The following MND1 variants were observed in gnomAD, a reference collection of about 807,000 sequenced individuals.
MND1 encodes meiotic nuclear division protein 1 homolog.
A neutral mutation model predicts 35.1 loss-of-function variants in MND1; 28 were observed. The observed-to-expected ratio is 0.80, with a 90% CI of 0.59 to 1.09. MND1 has a LOEUF of 1.09. Ranked by LOEUF, MND1 falls within the 50% of genes least tolerant of loss-of-function variation. The probability of loss-of-function intolerance (pLI) is 0.00; values close to 1 mark genes in which losing one functional copy is unlikely to be tolerated. For synonymous variants in MND1, 69 were observed against 70.5 expected, an observed-to-expected ratio of 0.98 and a Z score of 0.11; for missense variants, 213 against 239.6, an observed-to-expected ratio of 0.89 and a Z score of 0.73.
At chr4:153,412,649 ATTT>A (rs374360405) in intron 7 of MND1, among the ~76,000 whole-genome samples, 2 of 147,210 alleles carry the variant, frequency 1.4e-5, no homozygotes, top group African/African-American at 5.0e-5. Context: ...TGCCCGGCTA[ATTT>A]TTTTTGTATT....
At chr4:153,399,382 G>A (rs1279054058) in intron 6 of MND1, among the ~76,000 whole-genome samples, 3 of 151,978 alleles carry the variant, frequency 2.0e-5, no homozygotes, top group Non-Finnish European at 4.4e-5. Flanking sequence ...GATATATTCT[G>A]CCCACTCAGG....
intron 2 of MND1, among the ~76,000 whole-genome samples, chr4:153,353,404 C>CAT (rs58280101): frequency 0.077 from 6,179 of 80,426 alleles, 218 homozygotes; most frequent in Non-Finnish European, 0.095. Flanking sequence ...GACTTTATCA[C>CAT]ATATATATAT....
At chr4:153,390,627 G>C (rs942338457) in intron 4 of MND1, among the ~76,000 whole-genome samples, 3 of 151,968 alleles carry the variant, frequency 2.0e-5, no homozygotes, top group African/African-American at 7.3e-5. Flanking sequence ...TGCACTAATT[G>C]CTCGAGCCCA....
chr4:153,351,049 CAT>C (rs767448156), intron 2 of MND1, among the ~76,000 whole-genome samples: 25 of 151,412 alleles, frequency 1.7e-4, no homozygotes, highest in Non-Finnish European at 3.4e-4. Flanking sequence ...AACAGGGTGT[CAT>C]ATTATGATGA....
intron 1 of MND1, among the ~76,000 whole-genome samples, chr4:153,347,853 A>T (rs1318751820): frequency 2.6e-5 from 4 of 152,172 alleles, no homozygotes; most frequent in African/African-American, 4.8e-5. Flanking sequence ...TTAGGTCTCC[A>T]TACTGTTAAT....
chr4:153,382,964 C>T (rs1360254872), intron 4 of MND1, among the ~76,000 whole-genome samples: 4 of 152,088 alleles, frequency 2.6e-5, no homozygotes, highest in Non-Finnish European at 4.4e-5. Flanking sequence ...ACTTTTAGGC[C>T]CATTCTTTCC....
chr4:153,355,975 A>G (rs1366424534), intron 3 of MND1, among the ~76,000 whole-genome samples: 1 of 152,192 alleles, frequency 6.6e-6, no homozygotes. Context: ...AAATGATTGT[A>G]TAGTATCCCA....
intron 4 of MND1, among the ~76,000 whole-genome samples, chr4:153,367,076 C>T (rs534935710): frequency 3.3e-5 from 5 of 152,248 alleles, no homozygotes; most frequent in South Asian, 2.1e-4. Context: ...CTCAAAAGAG[C>T]GGTGGCTGGG....
At chr4:153,362,125 T>G (rs921209324) in intron 4 of MND1, among the ~76,000 whole-genome samples, 2 of 152,236 alleles carry the variant, frequency 1.3e-5, no homozygotes, top group African/African-American at 4.8e-5. Context: ...AGAAATTCTA[T>G]TTGGTCCTTT....
At chr4:153,379,067 T>C (rs1392025329) in intron 4 of MND1, among the ~76,000 whole-genome samples, 1 of 151,882 alleles carries the variant, frequency 6.6e-6, no homozygotes, top group Non-Finnish European at 1.5e-5. Context: ...GGTGGGTGGA[T>C]CACAAGGTCA....
intron 7 of MND1, 102 bp downstream of exon 7, chr4:153,409,117 C>T (rs535425357): frequency 1.6e-5 from 9 of 558,658 alleles, no homozygotes; most frequent in East Asian, 9.8e-5. Context: ...CAAGAAAGGA[C>T]GTTAATGAAA....
intron 4 of MND1, among the ~76,000 whole-genome samples, chr4:153,373,163 G>T (rs541036430): frequency 6.6e-6 from 1 of 151,972 alleles, no homozygotes; most frequent in South Asian, 2.1e-4. Flanking sequence ...TTTAATTAGG[G>T]TGTCTAGACC....
chr4:153,348,525 A>G (rs1773129499), intron 1 of MND1, among the ~76,000 whole-genome samples: 2 of 152,240 alleles, frequency 1.3e-5, no homozygotes, highest in Non-Finnish European at 2.9e-5. Context: ...AACCCAGCAG[A>G]AAAACAGTGT....
chr4:153,377,617 G>C (rs1161577187), intron 4 of MND1, among the ~76,000 whole-genome samples: 3 of 152,120 alleles, frequency 2.0e-5, no homozygotes, highest in Non-Finnish European at 4.4e-5. Flanking sequence ...AATAATGATA[G>C]TACAAAAGAG....
At chr4:153,397,609 G>T (rs955092684) in intron 6 of MND1, among the ~76,000 whole-genome samples, 1 of 151,820 alleles carries the variant, frequency 6.6e-6, no homozygotes, top group Non-Finnish European at 1.5e-5. Flanking sequence ...TTGAGCTCAG[G>T]AGTTCAAGAC....
At chr4:153,352,074 T>C (rs1349119618) in intron 2 of MND1, among the ~76,000 whole-genome samples, 2 of 152,160 alleles carry the variant, frequency 1.3e-5, no homozygotes, top group South Asian at 2.1e-4. Flanking sequence ...TGACAACTCA[T>C]AGAGAGGGTA....
At chr4:153,359,833 G>GC (rs1773437474) in intron 4 of MND1, among the ~76,000 whole-genome samples, 1 of 143,128 alleles carries the variant, frequency 7.0e-6, no homozygotes, top group Non-Finnish European at 1.5e-5. Context: ...TTTTGACCAG[G>GC]CTGGAGTGCA....
rs549986822 is a variant in MND1, at chr4:153,345,111, C to A, written c.3+371C>A. 1.8e-4 allele frequency among the ~76,000 whole-genome samples: 28 copies of A among 152,362 alleles called. No individual in the cohort carries two copies. In the South Asian group the frequency reaches 5.6e-3, roughly 30 times the overall value. ...GGATTTATCTAAAAGACCACGGGGC[C>A]CTTGAGAACCTGGGCTCCCTACGCC... On this transcript the variant is annotated intron_variant, in intron 1 of 7. Transcript: ENST00000240488.
chr4:153,363,205 G>T (rs1467740309), intron 4 of MND1, among the ~76,000 whole-genome samples: 1 of 135,012 alleles, frequency 7.4e-6, no homozygotes, highest in African/African-American at 3.2e-5. Flanking sequence ...CTGTCACCTG[G>T]GGATAGTTCT....
Sources: gnomAD v4.1 joint callset for allele counts (sites outside exome capture counted in the v4.1 genomes callset) on GRCh38, gnomAD v4.1.1 for gene constraint, MANE v1.5 for transcripts, NCBI Gene and HGNC (gene_info 2026-07-23, HGNC 2026-07-21) for gene names.